The following PHF19 variants were observed in gnomAD, a reference collection of about 807,000 sequenced individuals.
PHF19 encodes polycomb like 3.
In PHF19, 21 loss-of-function variants were observed where a neutral mutation model predicts 79.8. The ratio of observed to expected loss-of-function variants is 0.26; its 90% CI spans 0.19 to 0.38. PHF19 has a LOEUF of 0.38. Among genes scored for constraint, PHF19 ranks in the 10% least tolerant of loss-of-function variants. PHF19 has a pLI of 1.00. For missense variants in PHF19, 445 were observed against 744.2 expected (o/e 0.60, Z 4.68); for synonymous variants, 273 against 296.3 (o/e 0.92, Z 0.81).
chr9:120,877,437 GCCCGCC>G, upstream of PHF19: 1 of 714,336 alleles, frequency 1.4e-6, no homozygotes, highest in Non-Finnish European at 1.7e-6. Flanking sequence ...GCCAGCCCCC[GCCCGCC>G]CCCGCCCGCC....
chr9:120,896,792 T>C (rs181013726), upstream of PHF19, among the ~76,000 whole-genome samples: 87 of 152,288 alleles, frequency 5.7e-4, no homozygotes, highest in African/African-American at 1.9e-3. Context: ...CCCACTTCAT[T>C]TGGAGATGCT....
chr9:120,866,213 G>A lies in PHF19; in HGVS notation c.711-117C>T, dbSNP rs1043766637. The A allele has an allele frequency of 5.1e-6, 4 of 783,132 alleles. No individual in the cohort carries two copies. The African/African-American group carries it at 6.8e-5, about 13-fold the overall frequency. The allele number at this position is 783,132 out of a possible 1,614,324, so 48.5% of individuals were successfully genotyped here. On this transcript the variant is annotated intron_variant, in intron 7 of 14. Transcript: ENST00000373896. The surrounding 1 kb of genome is among the most constrained non-coding windows in gnomAD (Gnocchi z 5.2). ...CCTTCCCATAATCTTCTCACTCCTA[G>A]GACTGCTGGCCACTGGGGGTCAAGG...
chr9:120,864,553 G>A (rs1020626095), intron 9 of PHF19, among the ~76,000 whole-genome samples: 3 of 152,122 alleles, frequency 2.0e-5, no homozygotes, highest in Non-Finnish European at 4.4e-5. Context: ...AAATTTGGCG[G>A]GCGCCTATAA....
chr9:120,884,933 T>A (rs544012924), intron 1 of PHF19, among the ~76,000 whole-genome samples: 1 of 151,580 alleles, frequency 6.6e-6, no homozygotes, highest in African/African-American at 2.4e-5. Context: ...AAAATAAAAA[T>A]TAAAAAAAGC....
the PHF19 span, among the ~76,000 whole-genome samples, chr9:120,900,952 T>A: frequency 6.6e-6 from 1 of 152,218 alleles, no homozygotes; most frequent in African/African-American, 2.4e-5. Flanking sequence ...CTGCCCAGGG[T>A]TGCCTGAGGA....
At chr9:120,865,384 T>C (rs75830612) in intron 9 of PHF19, among the ~76,000 whole-genome samples, 10,590 of 152,240 alleles carry the variant, frequency 0.07, 507 homozygotes, top group Non-Finnish European at 0.096. Context: ...CTATTTAGCA[T>C]AGGATCAGCA....
chr9:120,887,584 T>G (rs760397537), intron 1 of PHF19, among the ~76,000 whole-genome samples: 2 of 151,132 alleles, frequency 1.3e-5, no homozygotes, highest in Non-Finnish European at 2.9e-5. Flanking sequence ...CCCACAATCA[T>G]GCAAATTAAT....
chr9:120,859,980 G>GAGACTGAGACACAT, intron 14 of PHF19, 110 bp downstream of exon 14: 1 of 685,782 alleles, frequency 1.5e-6, no homozygotes, highest in African/African-American at 1.8e-5. Context: ...CTCCCCGCCA[G>GAGACTGAGACACAT]AGACTGAGAC....
Position 120,891,191 on chromosome 9 carries a change from T to C in PHF19, c.42+3597A>G, listed in dbSNP as rs2046338359. Among the ~76,000 whole-genome samples the C allele has an allele frequency of 1.3e-5, 2 of 152,124 alleles. No homozygotes were observed. ...TGCCCCAGAGCGCCTGGGTTTCTGCTCATCACAGTTAGTGTAAGGATCCAT... is the reference window on the plus strand; with the variant it reads ...TGCCCCAGAGCGCCTGGGTTTCTGCCCATCACAGTTAGTGTAAGGATCCAT... On this transcript the variant is annotated intron_variant, in intron 1 of 14. Coordinates refer to the PHF19 transcript ENST00000616568. The surrounding 1 kb of genome is among the most constrained non-coding windows in gnomAD (Gnocchi z 4.3).
intron 1 of PHF19, among the ~76,000 whole-genome samples, chr9:120,887,317 G>C (rs1321352195): frequency 1.3e-5 from 2 of 152,030 alleles, no homozygotes; most frequent in Non-Finnish European, 2.9e-5. Context: ...AGCCAGTCGT[G>C]GTGGCGCGTG....
At chr9:120,859,644 C>T (rs193229049) in intron 14 of PHF19, among the ~76,000 whole-genome samples, 21 of 152,208 alleles carry the variant, frequency 1.4e-4, no homozygotes, top group South Asian at 4.2e-4. Context: ...TCTAAATAAA[C>T]GGCTCTTTCC....
chr9:120,877,390 G>A, upstream of PHF19: 1 of 977,916 alleles, frequency 1.0e-6, no homozygotes, highest in Non-Finnish European at 1.2e-6. Context: ...CGCCGGCCTC[G>A]CCATTGGAGC....
At chr9:120,883,423 C>T (rs1421897875) in intron 1 of PHF19, among the ~76,000 whole-genome samples, 1 of 152,186 alleles carries the variant, frequency 6.6e-6, no homozygotes, top group Non-Finnish European at 1.5e-5. Context: ...GAATGACAGG[C>T]GTGGCATGAA....
At chr9:120,864,942 A>G (rs1490980758) in intron 9 of PHF19, among the ~76,000 whole-genome samples, 1 of 152,122 alleles carries the variant, frequency 6.6e-6, no homozygotes, top group East Asian at 1.9e-4. Flanking sequence ...TCCACCACGA[A>G]TATGTACAAT....
Position 120,863,313 on chromosome 9 carries a change from G to A in PHF19, c.969-564C>T, listed in dbSNP as rs948537791. Among the ~76,000 whole-genome samples, 13 of 151,604 alleles carry A rather than the reference G, an allele frequency of 8.6e-5. 1 individual carries two copies. The highest frequency in any genetic ancestry group is 4.4e-5 in the Non-Finnish European group (3 of 67,828). On this transcript the variant is annotated intron_variant, in intron 10 of 14. Coordinates refer to ENST00000373896, the MANE Select transcript of PHF19 (RefSeq NM_015651.3). ...CCATGAGAATGTGGAAGAGAGAGTG[G>A]ATAATTCTACCCAGAGGTGTCTGGA...
Position 120,860,415 on chromosome 9 carries a change from G to A in PHF19, c.1305-230C>T. The A allele has an allele frequency of 3.9e-6, 2 of 517,404 alleles. No homozygotes were observed. Among genetic ancestry groups the A allele is most frequent in the Non-Finnish European group, 7.1e-6 (2 of 283,450 alleles). The allele number at this position is 517,404 out of a possible 1,614,324, so 32.1% of individuals were successfully genotyped here. A position where few individuals can be genotyped will look rare whatever the true frequency, so the allele number is the denominator to read the frequency against. ...CTCCCCTGGCGGTGACGTAAGCACT[G>A]GTGTCAATAACTCGAGCGTGATCCA... is the stretch of plus-strand genomic sequence containing the variant. On this transcript the variant is annotated intron_variant, in intron 13 of 14. Transcript: ENST00000373896. This position sits in a 1 kb window ranked among gnomAD's most constrained non-coding sequence, Gnocchi z 4.1.
At position 120,857,860 on chromosome 9, in the gene PHF19, C is replaced by G. The variant is rs957226647; in HGVS notation, c.*84G>C. ...GCTCTGTCCTGCTTCCTTCTCCCAC[C>G]CCAGCCTGGAGAAAGCTGGGGAGCC... is the stretch of plus-strand genomic sequence containing the variant. On this transcript the variant is annotated 3_prime_UTR_variant, in exon 15 of 15. Transcript: ENST00000373896. 2 of 813,536 alleles carry G rather than the reference C, an allele frequency of 2.5e-6. No individual in the cohort carries two copies. The highest frequency in any genetic ancestry group is 2.9e-5 in the Admixed American group (1 of 34,994). The allele number at this position is 813,536 out of a possible 1,614,324, so 50.4% of individuals were successfully genotyped here.
the PHF19 span, among the ~76,000 whole-genome samples, chr9:120,901,830 C>T: frequency 6.6e-6 from 1 of 152,182 alleles, no homozygotes; most frequent in Non-Finnish European, 1.5e-5. Context: ...TCAAGTCTGA[C>T]TGGCCGTTGG....
intron 10 of PHF19, among the ~76,000 whole-genome samples, chr9:120,863,680 T>G (rs566265386): frequency 2.2e-4 from 34 of 152,232 alleles, no homozygotes; most frequent in African/African-American, 8.2e-4. Flanking sequence ...CTGAGAACCC[T>G]GGATGGGAAG....
Sources: gnomAD v4.1 joint callset for allele counts (sites outside exome capture counted in the v4.1 genomes callset) on GRCh38, gnomAD v4.1.1 for gene constraint, Gnocchi (gnomAD v3.1) non-coding constraint, MANE v1.5 for transcripts, NCBI Gene and HGNC (gene_info 2026-07-23, HGNC 2026-07-21) for gene names.